Variants in INPP4B observed in about 807,000 individuals in gnomAD.
INPP4B encodes inositol polyphosphate 4-phosphatase type II.
INPP4B carries 55 observed loss-of-function variants against 122.5 expected under a neutral mutation model. That is an observed-to-expected ratio of 0.45 (90% confidence interval 0.36 to 0.56). The LOEUF is 0.56. Ranked by LOEUF, INPP4B falls within the 20% of genes least tolerant of loss-of-function variation. The probability of loss-of-function intolerance (pLI) is 0.00; values close to 1 mark genes in which losing one functional copy is unlikely to be tolerated. For synonymous variants in INPP4B, 403 were observed against 388.7 expected (o/e 1.04, Z -0.43); for missense variants, 1,000 against 1,097.7 (o/e 0.91, Z 1.26).
intron 3 of INPP4B, among the ~76,000 whole-genome samples, chr4:142,449,425 C>T (rs899603051): frequency 6.6e-6 from 1 of 152,110 alleles, no homozygotes; most frequent in African/African-American, 2.4e-5. Context: ...CATTTTAGGC[C>T]AGGTGTGGTG....
At chr4:142,542,313 T>C (rs188791264) in intron 2 of INPP4B, among the ~76,000 whole-genome samples, 168 of 152,330 alleles carry the variant, frequency 1.1e-3, no homozygotes, top group African/African-American at 3.7e-3. Context: ...GTATTAGACT[T>C]GCTGTGTTCA....
At chr4:142,603,501 A>C (rs1178060288) in intron 2 of INPP4B, among the ~76,000 whole-genome samples, 1 of 152,068 alleles carries the variant, frequency 6.6e-6, no homozygotes, top group Non-Finnish European at 1.5e-5. Flanking sequence ...ATAAGAGACA[A>C]AAAAAATCAG....
At chr4:142,318,750 C>G (rs1370990036) in intron 7 of INPP4B, among the ~76,000 whole-genome samples, 1 of 152,152 alleles carries the variant, frequency 6.6e-6, no homozygotes, top group Admixed American at 6.5e-5. Context: ...CCTGCTCTAT[C>G]AACCCCAGAA....
intron 9 of INPP4B, among the ~76,000 whole-genome samples, chr4:142,302,573 C>T (rs935380676): frequency 1.3e-5 from 2 of 152,028 alleles, no homozygotes; most frequent in African/African-American, 4.8e-5. Flanking sequence ...TTAATAATAG[C>T]ATCTCATTTG....
At chr4:142,688,310 A>G (rs1200198930) in intron 2 of INPP4B, among the ~76,000 whole-genome samples, 1 of 152,144 alleles carries the variant, frequency 6.6e-6, no homozygotes, top group Non-Finnish European at 1.5e-5. Flanking sequence ...GCAAACTTTC[A>G]ACAGAAAACA....
At chr4:142,372,152 G>T (rs1345241700) in intron 7 of INPP4B, among the ~76,000 whole-genome samples, 2 of 152,056 alleles carry the variant, frequency 1.3e-5, no homozygotes, top group African/African-American at 4.8e-5. Flanking sequence ...GGAACTGGAG[G>T]TCATTACGTT....
At chr4:142,450,002 G>A (rs921150065) in intron 3 of INPP4B, among the ~76,000 whole-genome samples, 1 of 152,124 alleles carries the variant, frequency 6.6e-6, no homozygotes, top group Admixed American at 6.6e-5. Flanking sequence ...CATAATCTCA[G>A]TTCTCTCTCC....
chr4:142,407,997 A>T (rs1321795336), intron 5 of INPP4B, among the ~76,000 whole-genome samples: 2 of 152,212 alleles, frequency 1.3e-5, no homozygotes, highest in Non-Finnish European at 2.9e-5. Context: ...TGACTCAGTC[A>T]TACTCAGCTT....
At chr4:142,220,166 G>A (rs1169546520) in intron 12 of INPP4B, among the ~76,000 whole-genome samples, 1 of 152,106 alleles carries the variant, frequency 6.6e-6, no homozygotes, top group South Asian at 2.1e-4. Flanking sequence ...TCACTTCCTA[G>A]GAATTCAAAT....
chr4:142,353,917 CTA>C (rs1282768827), intron 7 of INPP4B, among the ~76,000 whole-genome samples: 1 of 151,834 alleles, frequency 6.6e-6, no homozygotes, highest in Non-Finnish European at 1.5e-5. Context: ...TTCCAAAATT[CTA>C]TGAGTTTTTA....
intron 5 of INPP4B, among the ~76,000 whole-genome samples, chr4:142,416,159 A>G (rs895890882): frequency 6.6e-6 from 1 of 152,198 alleles, no homozygotes; most frequent in Non-Finnish European, 1.5e-5. Flanking sequence ...ATAATAAAAA[A>G]AATAGTGTCA....
At chr4:142,196,651 C>G (rs867380695) in intron 14 of INPP4B, among the ~76,000 whole-genome samples, 1 of 152,178 alleles carries the variant, frequency 6.6e-6, no homozygotes, top group Non-Finnish European at 1.5e-5. Context: ...GTTAGCCTCT[C>G]TGCATCCACA....
intron 21 of INPP4B, among the ~76,000 whole-genome samples, chr4:142,114,996 A>T (rs1046180275): frequency 2.6e-5 from 4 of 152,094 alleles, no homozygotes; most frequent in African/African-American, 9.7e-5. Context: ...ACCACGGCAC[A>T]AGAACTACAT....
At chr4:142,413,271 A>G (rs1476163497) in intron 5 of INPP4B, among the ~76,000 whole-genome samples, 1 of 152,184 alleles carries the variant, frequency 6.6e-6, no homozygotes, top group African/African-American at 2.4e-5. Context: ...GACAATACGC[A>G]TATAAGGGAA....
intron 12 of INPP4B, among the ~76,000 whole-genome samples, chr4:142,212,523 T>C (rs1346004170): frequency 2.6e-5 from 4 of 152,204 alleles, no homozygotes; most frequent in African/African-American, 9.6e-5. Context: ...GTTTCAGACG[T>C]ATTTTTCCTT....
At chr4:142,558,085 G>A (rs1189174084) in intron 2 of INPP4B, among the ~76,000 whole-genome samples, 1 of 152,136 alleles carries the variant, frequency 6.6e-6, no homozygotes, top group Non-Finnish European at 1.5e-5. Context: ...TCCATCCTAA[G>A]ACACGGGTCC....
At chr4:142,465,740 G>C (rs1817639836) in intron 2 of INPP4B, among the ~76,000 whole-genome samples, 1 of 152,176 alleles carries the variant, frequency 6.6e-6, no homozygotes. Context: ...GATCCTGGGG[G>C]AGGATCCTTC....
At chr4:142,751,979 A>G (rs2150951412) in intron 1 of INPP4B, among the ~76,000 whole-genome samples, 1 of 152,154 alleles carries the variant, frequency 6.6e-6, no homozygotes, top group Admixed American at 6.6e-5. Context: ...CTTTTTTAAA[A>G]GGTTTAAATT....
chr4:142,536,769 AC>A (rs1304151320), intron 2 of INPP4B, among the ~76,000 whole-genome samples: 1 of 152,136 alleles, frequency 6.6e-6, no homozygotes, highest in Non-Finnish European at 1.5e-5. Context: ...GGGCAGAATC[AC>A]CAGGGGAATG....
Sources: allele counts gnomAD v4.1 joint callset (sites outside exome capture counted in the v4.1 genomes callset), GRCh38; gene constraint gnomAD v4.1.1; transcripts MANE v1.5; gene names NCBI Gene and HGNC (gene_info 2026-07-23, HGNC 2026-07-21).